Variants in SREBF2 observed in about 807,000 individuals in gnomAD.
SREBF2 encodes the protein sterol regulatory element-binding protein 2.
Under a neutral mutation model 113.1 loss-of-function variants are expected in SREBF2, and 55 were observed. The ratio of observed to expected loss-of-function variants is 0.49; its 90% CI spans 0.39 to 0.61. The LOEUF (loss-of-function observed/expected upper bound fraction) is 0.61. SREBF2 is among the 20% of genes least tolerant of loss of function. The pLI is 0.00. For synonymous variants in SREBF2, 593 were observed against 605.7 expected (o/e 0.98, Z 0.31); for missense variants, 1,349 against 1,487.4 (o/e 0.91, Z 1.53).
At chr22:41,860,715 C>CA (rs1047453010) in intron 1 of SREBF2, among the ~76,000 whole-genome samples, 3 of 151,418 alleles carry the variant, frequency 2.0e-5, no homozygotes, top group East Asian at 1.9e-4. Flanking sequence ...TCTGTCTCCA[C>CA]AAAAAAAAGA....
At chr22:41,904,685 G>T (rs2077490837) in intron 17 of SREBF2, 178 bp from the exon 18 acceptor site, 2 of 716,058 alleles carry the variant, frequency 2.8e-6, no homozygotes. Flanking sequence ...CAGGTTTCCT[G>T]CCTGGCTCAG....
At chr22:41,839,553 G>C (rs1028488835) in intron 1 of SREBF2, among the ~76,000 whole-genome samples, 10 of 152,188 alleles carry the variant, frequency 6.6e-5, no homozygotes, top group African/African-American at 1.9e-4. Flanking sequence ...AAGCAGGGGT[G>C]AGTGGGAGAT....
intron 12 of SREBF2, among the ~76,000 whole-genome samples, chr22:41,893,856 G>C (rs2077386512): frequency 6.6e-6 from 1 of 152,172 alleles, no homozygotes; most frequent in Non-Finnish European, 1.5e-5. Context: ...GGCTGGTCAG[G>C]ATTGACTTAG....
chr22:41,845,302 C>T (rs141022110), intron 1 of SREBF2, among the ~76,000 whole-genome samples: 7 of 152,214 alleles, frequency 4.6e-5, no homozygotes, highest in African/African-American at 1.7e-4. Context: ...GATGATTTGC[C>T]AATGCTTCCT....
chr22:41,905,060 C>T (rs2077495219), intron 18 of SREBF2, 86 bp downstream of exon 18: 4 of 1,242,364 alleles, frequency 3.2e-6, no homozygotes, highest in Non-Finnish European at 4.5e-6. Flanking sequence ...CCAGCTCCCA[C>T]ATCTGGCATT....
rs1407102886 is a variant in SREBF2 at position 41,864,245 on chromosome 22, TATATATATATATATATAC to T, written c.89-2584_89-2567del. On this transcript the variant is annotated intron_variant, in intron 1 of 18. Coordinates refer to ENST00000361204, the MANE Select transcript of SREBF2 (RefSeq NM_004599.4). The stretch of plus-strand genomic sequence containing the variant: ...AAGCATATATATATATATATATATA[TATATATATATATATATAC>T]ACACACACACACACACACACAAAAT... Among the ~76,000 whole-genome samples the T allele has an allele frequency of 7.4e-5, 7 of 94,946 alleles. 1 individual carries two copies. The highest frequency in any genetic ancestry group is 2.8e-4 in the East Asian group (1 of 3,540). 62.3% of individuals were successfully genotyped at this position (94,946 alleles called of 152,430 possible).
At chr22:41,896,942 G>A in intron 13 of SREBF2, 110 bp from the exon 14 acceptor site, 2 of 743,230 alleles carry the variant, frequency 2.7e-6, no homozygotes, top group Non-Finnish European at 4.7e-6. Context: ...GACAGGAAAG[G>A]GACAGAAATG....
rs1205168202 is a variant in SREBF2, at chr22:41,906,862, A to AG, written c.*1203dup. On this transcript the variant is annotated 3_prime_UTR_variant, in exon 19 of 19. Coordinates refer to ENST00000361204, the MANE Select transcript of SREBF2 (RefSeq NM_004599.4). ...CCCCTGCCTCGATGCGGGTCCTAGG[A>AG]GAAAAAGTCCTACTTTTCTGGGTCC... is the stretch of plus-strand genomic sequence containing the variant. 6.6e-6 allele frequency: 1 copy of AG among 152,116 alleles called. No homozygotes were observed. Among genetic ancestry groups the AG allele is most frequent in the Non-Finnish European group, 1.5e-5 (1 of 68,014 alleles). The allele number at this position is 152,116 out of a possible 1,614,324, so 9.4% of individuals were successfully genotyped here.
At chr22:41,845,261 C>A (rs2076867091) in intron 1 of SREBF2, among the ~76,000 whole-genome samples, 1 of 152,094 alleles carries the variant, frequency 6.6e-6, no homozygotes, top group Non-Finnish European at 1.5e-5. Context: ...TTTCCATGGA[C>A]ATAGATGAAG....
At chr22:41,857,139 C>T (rs535632172) in intron 1 of SREBF2, among the ~76,000 whole-genome samples, 2 of 151,680 alleles carry the variant, frequency 1.3e-5, no homozygotes, top group Admixed American at 6.6e-5. Flanking sequence ...AGAAGATGTT[C>T]GTCACTGGGT....
chr22:41,833,188 G>A lies in SREBF2; in HGVS notation c.-83G>A. On this transcript the variant is annotated 5_prime_UTR_variant, in exon 1 of 19. Coordinates refer to ENST00000361204, the MANE Select transcript of SREBF2 (RefSeq NM_004599.4). The surrounding 1 kb of genome is among the most constrained non-coding windows in gnomAD (Gnocchi z 4.1). The stretch of plus-strand genomic sequence containing the variant: ...AGGCGGTGCCGGGCGGGGGTTGTCG[G>A]GTGTCATGGGCGGTGGCGACGGCAC... 2 of 1,113,158 alleles carry A rather than the reference G, an allele frequency of 1.8e-6. No homozygotes were observed. The highest frequency in any genetic ancestry group is 2.5e-6 in the Non-Finnish European group (2 of 809,164). The allele number at this position is 1,113,158 out of a possible 1,614,324, so 69.0% of individuals were successfully genotyped here. A position where few individuals can be genotyped will look rare whatever the true frequency, so the allele number is the denominator to read the frequency against.
chr22:41,883,750 G>A (rs1243084443), intron 10 of SREBF2, among the ~76,000 whole-genome samples: 2 of 152,182 alleles, frequency 1.3e-5, no homozygotes, highest in African/African-American at 4.8e-5. Context: ...CTGATAAAAA[G>A]ACAGGGAGGC....
intron 1 of SREBF2, among the ~76,000 whole-genome samples, chr22:41,854,406 C>T (rs949803176): frequency 1.3e-5 from 2 of 151,202 alleles, no homozygotes; most frequent in African/African-American, 4.9e-5. Context: ...AGGTGATCCA[C>T]CCGCCTCGGC....
At chr22:41,874,608 C>T (rs781110172) in intron 5 of SREBF2, among the ~76,000 whole-genome samples, 2 of 152,206 alleles carry the variant, frequency 1.3e-5, no homozygotes, top group Non-Finnish European at 2.9e-5. Context: ...AAAATCTATG[C>T]CTTAAGATAA....
At position 41,866,992 on chromosome 22, in the gene SREBF2, G is replaced by A. The variant is rs1439601260; in HGVS notation, c.250G>A (p.Val84Met). 1.2e-6 allele frequency: 2 copies of A among 1,614,052 alleles called. No homozygotes were observed. Among genetic ancestry groups the A allele is most frequent in the South Asian group, 1.1e-5 (1 of 91,084 alleles). The change falls in exon 2 of 19, where the codon GTG becomes ATG. Residue 84 changes from valine (V) to methionine (M), a missense_variant. Val to Met is a conservative substitution (Grantham distance 21). Around this residue, in one of 2 missense-constraint regions of SREBF2, gnomAD observed 699 missense variants for 843.3 expected, o/e 0.83. Coordinates refer to ENST00000361204, the MANE Select transcript of SREBF2 (RefSeq NM_004599.4). ...SNGRGSSSGAVDPSVQRSFTQ... is the reference protein window; with the variant it reads ...SNGRGSSSGAMDPSVQRSFTQ... ...TGGCAGGGGCAGCAGCAGCGGAGCTGTGGACCCTTCAGTGCAACGGTCATT... is the reference window on the plus strand; with the variant it reads ...TGGCAGGGGCAGCAGCAGCGGAGCTATGGACCCTTCAGTGCAACGGTCATT...
intron 18 of SREBF2, 95 bp from the exon 19 acceptor site, chr22:41,905,345 A>C: frequency 8.3e-7 from 1 of 1,207,444 alleles, no homozygotes; most frequent in Non-Finnish European, 1.2e-6. Flanking sequence ...CCCAGGATGG[A>C]TGTGAGCGTT....
At chr22:41,887,599 T>C (rs901397257) in intron 11 of SREBF2, among the ~76,000 whole-genome samples, 6 of 152,256 alleles carry the variant, frequency 3.9e-5, no homozygotes, top group African/African-American at 1.2e-4. Flanking sequence ...TAGTGTTCCA[T>C]TGTATGACTA....
In SREBF2 at chr22:41,875,352, G is replaced by A. The variant is rs750765562; in HGVS notation, c.1105G>A (p.Val369Ile). The A allele has an allele frequency of 3.1e-5, 50 of 1,613,746 alleles. No individual in the cohort carries two copies. Among genetic ancestry groups the A allele is most frequent in the Non-Finnish European group, 3.8e-5 (45 of 1,179,772 alleles). Residue 369 changes from valine (V) to isoleucine (I), a missense_variant, in exon 6 of 19, where the codon GTT (valine) becomes ATT (isoleucine). Val to Ile is a conservative substitution (Grantham distance 29, BLOSUM62 3). This residue lies in a region of SREBF2 where 699 missense variants were observed against 843.3 expected (regional missense o/e 0.83). Coordinates refer to ENST00000361204, the MANE Select transcript of SREBF2 (RefSeq NM_004599.4). ...TCCTACCCAGATGCACAAGTCTGGC[G>A]TTCTGAGGAAGGCCATTGATTACAT... Reference protein sequence around the residue: ...GTDAKMHKSGVLRKAIDYIKY... With the variant: ...GTDAKMHKSGILRKAIDYIKY...
intron 11 of SREBF2, among the ~76,000 whole-genome samples, chr22:41,887,963 A>G (rs1024059916): frequency 2.5e-4 from 38 of 152,178 alleles, no homozygotes; most frequent in Non-Finnish European, 1.5e-5. Flanking sequence ...GTTACATTCA[A>G]TTCAAGTCTT....
Sources: allele counts gnomAD v4.1 joint callset (sites outside exome capture counted in the v4.1 genomes callset), GRCh38; gene constraint gnomAD v4.1.1; regional missense constraint gnomAD v4.1.1; non-coding constraint Gnocchi (gnomAD v3.1); transcripts MANE v1.5; gene names NCBI Gene and HGNC (gene_info 2026-07-23, HGNC 2026-07-21).